Variants in PCDHGB4 observed in about 807,000 individuals in gnomAD.
PCDHGB4 encodes protocadherin gamma-B4.
Under a neutral mutation model 60.5 loss-of-function variants are expected in PCDHGB4, and 38 were observed. The observed-to-expected ratio is 0.63, with a 90% confidence interval of 0.48 to 0.82. PCDHGB4 has a LOEUF of 0.82. PCDHGB4 is among the 40% of genes least tolerant of loss of function. PCDHGB4 has a pLI of 0.00. For synonymous variants in PCDHGB4, 456 were observed against 509.7 expected, an observed-to-expected ratio of 0.89 and a Z score of 1.42; for missense variants, 1,109 against 1,209.6, an observed-to-expected ratio of 0.92 and a Z score of 1.23.
chr5:141,430,595 G>A (rs549786394), intron 1 of PCDHGB4: 28 of 567,134 alleles, frequency 4.9e-5, no homozygotes, highest in African/African-American at 3.8e-4. Flanking sequence ...CCTTGCACGC[G>A]CCTGAAGCAC....
intron 1 of PCDHGB4, among the ~76,000 whole-genome samples, chr5:141,447,954 CGGACACCTA>C (rs2098556369): frequency 6.6e-6 from 1 of 151,814 alleles, no homozygotes; most frequent in Non-Finnish European, 1.5e-5. Context: ...GGCATGGTGG[CGGACACCTA>C]TAATCCCAGC....
chr5:141,390,290 C>T lies in PCDHGB4; in HGVS notation c.2397+9C>T, dbSNP rs1344237469. ...AATTGACTTCCCATCAGGTGAGTTT[C>T]CTTTAAGTATAATTTAATGCTCATT... is the stretch of plus-strand genomic sequence containing the variant. On this transcript the variant is annotated intron_variant, in intron 1 of 3. Coordinates refer to ENST00000519479, the MANE Select transcript of PCDHGB4 (RefSeq NM_003736.4). 6.2e-7 allele frequency: 1 copy of T among 1,613,806 alleles called. No homozygotes were observed. Among genetic ancestry groups the T allele is most frequent in the Admixed American group, 1.7e-5 (1 of 59,998 alleles).
rs758417744 is a variant in PCDHGB4, at chr5:141,430,916, G to A, written c.2397+40635G>A. On this transcript the variant is annotated intron_variant, in intron 1 of 3. Coordinates refer to ENST00000519479, the MANE Select transcript of PCDHGB4 (RefSeq NM_003736.4). ...GGTGGGCGACATCTCCAGGGACCTG[G>A]GGCTGGAGCCCCGGGAGCTCGCGGA... The A allele has an allele frequency of 1.9e-6, 3 of 1,607,878 alleles. No individual in the cohort carries two copies. The East Asian group carries it at 6.7e-5, about 36-fold the overall frequency.
At chr5:141,404,238 C>T (rs764561008) in intron 1 of PCDHGB4, 3 of 1,613,712 alleles carry the variant, frequency 1.9e-6, no homozygotes, top group Non-Finnish European at 2.5e-6. Context: ...GACAGAGGAA[C>T]TCCGCCCCTG....
chr5:141,495,041 G>A, intron 2 of PCDHGB4, 176 bp downstream of exon 2: 1 of 942,350 alleles, frequency 1.1e-6, no homozygotes, highest in Non-Finnish European at 1.3e-6. Flanking sequence ...AGGAAGAGGC[G>A]ACTGCCCTGA....
At chr5:141,415,935 C>T (rs2095972319) in intron 1 of PCDHGB4, 1 of 601,888 alleles carries the variant, frequency 1.7e-6, no homozygotes, top group Non-Finnish European at 2.4e-6. Flanking sequence ...TTTATATTTC[C>T]TCCTGGGTGG....
In PCDHGB4 at chr5:141,491,354, C is replaced by T. The variant is rs2099710960; in HGVS notation, c.2398-3453C>T. The T allele has an allele frequency of 6.2e-7, 1 of 1,614,166 alleles. No homozygotes were observed. Among genetic ancestry groups the T allele is most frequent in the South Asian group, 1.1e-5 (1 of 91,088 alleles). On this transcript the variant is annotated intron_variant, in intron 1 of 3. Coordinates refer to ENST00000519479, the MANE Select transcript of PCDHGB4 (RefSeq NM_003736.4). This position sits in a 1 kb window ranked among gnomAD's most constrained non-coding sequence, Gnocchi z 6.9. ...GCTCTAGCGACCGTCAGTCTCTTAT[C>T]CCTAGTCACCTTCACCTTTCTGTCA...
intron 1 of PCDHGB4, chr5:141,476,000 T>A (rs2099383773): frequency 1.6e-6 from 2 of 1,225,380 alleles, no homozygotes; most frequent in African/African-American, 1.5e-5. Flanking sequence ...ATCAACGGCA[T>A]CCAGAAAGCC....
chr5:141,472,159 A>G (rs1020175900), intron 1 of PCDHGB4, among the ~76,000 whole-genome samples: 1 of 152,246 alleles, frequency 6.6e-6, no homozygotes, highest in Non-Finnish European at 1.5e-5. Context: ...TTACATAGCT[A>G]CTAGGTGTAA....
At chr5:141,415,198 G>T in intron 1 of PCDHGB4, 2 of 1,614,038 alleles carry the variant, frequency 1.2e-6, no homozygotes, top group Non-Finnish European at 1.7e-6. Context: ...CATCCCCCAA[G>T]TCCTGGCGGA....
At chr5:141,410,849 C>CTTTTTTGTTTTTTTTTTTTTTT (rs2095433183) in intron 1 of PCDHGB4, 1 of 129,786 alleles carries the variant, frequency 7.7e-6, no homozygotes, top group African/African-American at 6.0e-5. Flanking sequence ...TTGTCTTTGT[C>CTTTTTTGTTTTTTTTTTTTTTT]TTTTTTTTTT....
intron 1 of PCDHGB4, chr5:141,409,456 C>T: frequency 1.2e-6 from 2 of 1,613,974 alleles, no homozygotes; most frequent in Middle Eastern, 3.3e-4. Context: ...CACCAGAATA[C>T]AATGTCACCA....
At position 141,488,726 on chromosome 5, in the gene PCDHGB4, G is replaced by A. The variant is rs1562126303; in HGVS notation, c.2398-6081G>A. 2.0e-5 allele frequency among the ~76,000 whole-genome samples: 3 copies of A among 152,194 alleles called. No homozygotes were observed. The South Asian group carries it at 6.2e-4, about 32-fold the overall frequency. ...TGCTGGTTCAAGCAAAGTGGTGGAA[G>A]CTTCTGAAGTCATGCAGGAAGTTGC... On this transcript the variant is annotated intron_variant, in intron 1 of 3. Transcript: ENST00000519479.
rs2099681350 is a variant in PCDHGB4, at chr5:141,489,024, C to T, written c.2398-5783C>T. 1 of 450,378 alleles carries T rather than the reference C, an allele frequency of 2.2e-6. No individual in the cohort carries two copies. The highest frequency in any genetic ancestry group is 3.9e-6 in the Non-Finnish European group (1 of 256,582). 27.9% of individuals were successfully genotyped at this position (450,378 alleles called of 1,614,324 possible). On this transcript the variant is annotated intron_variant, in intron 1 of 3. Coordinates refer to ENST00000519479, the MANE Select transcript of PCDHGB4 (RefSeq NM_003736.4). The surrounding 1 kb of genome is among the most constrained non-coding windows in gnomAD (Gnocchi z 4.5). ...CTGCTCTTCCAGCCCGCCTCTCCTC[C>T]TCCAGCTCCCCAGCTCCACTCAAAT... is the stretch of plus-strand genomic sequence containing the variant.
At chr5:141,492,500 C>G (rs2099741252) in intron 1 of PCDHGB4, among the ~76,000 whole-genome samples, 1 of 152,322 alleles carries the variant, frequency 6.6e-6, no homozygotes, top group South Asian at 2.1e-4. Flanking sequence ...GCGAGGACTC[C>G]GGAGCCTCCT....
At chr5:141,452,370 G>A (rs2098739834) in intron 1 of PCDHGB4, among the ~76,000 whole-genome samples, 1 of 152,136 alleles carries the variant, frequency 6.6e-6, no homozygotes, top group Non-Finnish European at 1.5e-5. Flanking sequence ...CTTCATTTTA[G>A]TAGGGAATAG....
intron 1 of PCDHGB4, chr5:141,398,512 C>G: frequency 1.3e-6 from 2 of 1,588,756 alleles, no homozygotes; most frequent in Non-Finnish European, 1.7e-6. Context: ...CATTAATGAC[C>G]ACACGCCAAA....
rs1197249074 is a variant in PCDHGB4 at position 141,438,579 on chromosome 5, CATACATACATACATATATAT to C, written c.2397+48302_2397+48321del. ...AAGAGGCAGCTGTCTGATATACATACATACATACATACATATATATATATATATATATATATATATATATA... is the reference window on the plus strand; with the variant it reads ...AAGAGGCAGCTGTCTGATATACATACATATATATATATATATATATATATA... On this transcript the variant is annotated intron_variant, in intron 1 of 3. Transcript: ENST00000519479. Among the ~76,000 whole-genome samples the C allele has an allele frequency of 5.3e-3, 298 of 55,734 alleles. 1 individual carries two copies. Among genetic ancestry groups the C allele is most frequent in the Admixed American group, 0.022 (77 of 3,542 alleles). The allele number at this position is 55,734 out of a possible 152,430, so 36.6% of individuals were successfully genotyped here.
chr5:141,395,197 T>C, intron 1 of PCDHGB4: 1 of 1,614,012 alleles, frequency 6.2e-7, no homozygotes, highest in Non-Finnish European at 8.5e-7. Context: ...TTAACATCCG[T>C]AGATTTTCAT....
Sources: allele counts gnomAD v4.1 joint callset (sites outside exome capture counted in the v4.1 genomes callset), GRCh38; gene constraint gnomAD v4.1.1; non-coding constraint Gnocchi (gnomAD v3.1); transcripts MANE v1.5; gene names NCBI Gene and HGNC (gene_info 2026-07-23, HGNC 2026-07-21).